SLC28A1: variants seen among roughly 807,000 people sequenced by gnomAD.
SLC28A1 encodes sodium/nucleoside cotransporter 1.
Under a neutral mutation model 74.8 loss-of-function variants are expected in SLC28A1, and 64 were observed. The observed-to-expected ratio is 0.86, with a 90% CI of 0.70 to 1.05. The LOEUF is 1.05. Ranked by LOEUF, SLC28A1 falls within the 50% of genes least tolerant of loss-of-function variation. The pLI is 0.00. For missense variants in SLC28A1, 828 were observed against 822.8 expected (o/e 1.01, Z -0.08); for synonymous variants, 359 against 335.0 (o/e 1.07, Z -0.78).
At chr15:84,893,421 C>T (rs1224576011) in intron 5 of SLC28A1, among the ~76,000 whole-genome samples, 1 of 152,222 alleles carries the variant, frequency 6.6e-6, no homozygotes, top group Non-Finnish European at 1.5e-5. Context: ...GTAGGAACTC[C>T]AGCCCACAAG....
At chr15:84,958,594 C>T in the SLC28A1 span, among the ~76,000 whole-genome samples, 4 of 151,952 alleles carry the variant, frequency 2.6e-5, no homozygotes, top group Admixed American at 6.6e-5. Flanking sequence ...CATTCTATTA[C>T]CCAGCCTGGA....
intron 12 of SLC28A1, among the ~76,000 whole-genome samples, chr15:84,932,601 G>A (rs1356481135): frequency 1.3e-5 from 2 of 152,202 alleles, no homozygotes; most frequent in East Asian, 3.9e-4. Flanking sequence ...GCCTAGAGAG[G>A]GAGTACCTTC....
At chr15:84,898,831 A>G (rs184968327) in intron 6 of SLC28A1, among the ~76,000 whole-genome samples, 3 of 152,290 alleles carry the variant, frequency 2.0e-5, no homozygotes, top group Non-Finnish European at 2.9e-5. Context: ...ACAGGGAAGG[A>G]AAACTGAGGT....
At chr15:84,975,271 T>G in the SLC28A1 span, among the ~76,000 whole-genome samples, 12 of 152,376 alleles carry the variant, frequency 7.9e-5, no homozygotes, top group African/African-American at 2.9e-4. Context: ...AAGAACTGTT[T>G]CGTCTTAATG....
At chr15:84,894,097 C>T (rs902645846) in intron 5 of SLC28A1, among the ~76,000 whole-genome samples, 1 of 152,136 alleles carries the variant, frequency 6.6e-6, no homozygotes, top group Non-Finnish European at 1.5e-5. Context: ...AGAGGCCGGG[C>T]GCGGTGGCTT....
At chr15:84,956,375 C>A in the SLC28A1 span, among the ~76,000 whole-genome samples, 1 of 151,958 alleles carries the variant, frequency 6.6e-6, no homozygotes, top group African/African-American at 2.4e-5. Context: ...ATTATCATTA[C>A]ATTTCCTATC....
chr15:84,915,657 G>A (rs1215518650), intron 9 of SLC28A1, among the ~76,000 whole-genome samples: 1 of 152,070 alleles, frequency 6.6e-6, no homozygotes, highest in African/African-American at 2.4e-5. Flanking sequence ...AAGTCCCAGG[G>A]GTCTGGCTCA....
chr15:84,905,682 C>T lies in SLC28A1; in HGVS notation c.717+30C>T. 3 of 1,467,544 alleles carry T rather than the reference C, an allele frequency of 2.0e-6. No individual in the cohort carries two copies. The South Asian group carries it at 3.4e-5, about 17-fold the overall frequency. 90.9% of individuals were successfully genotyped at this position (1,467,544 alleles called of 1,614,324 possible). On this transcript the variant is annotated intron_variant, in intron 8 of 18. Transcript: ENST00000394573. ...GTATGTGGGGTCTGGCTGCCCAGAG[C>T]ATCTTAGATTACTGGGAGTAGGGGA...
At chr15:84,885,419 C>T (rs12915107) in intron 1 of SLC28A1, among the ~76,000 whole-genome samples, 66,734 of 151,182 alleles carry the variant, frequency 0.44, 14,798 homozygotes, top group East Asian at 0.49. Flanking sequence ...CATAAAATAA[C>T]ATACATTTAG....
intron 9 of SLC28A1, among the ~76,000 whole-genome samples, chr15:84,910,020 G>A (rs1428111276): frequency 6.6e-6 from 1 of 152,202 alleles, no homozygotes; most frequent in Non-Finnish European, 1.5e-5. Context: ...AGACCCTCCT[G>A]CCTACCCCTG....
In SLC28A1 at chr15:84,886,719, AC is replaced by A; in HGVS notation, c.-82del. Reference sequence around the variant, plus strand: ...GCAAGCCAGAGCCAAAGCAGGTTGGACCCAGCTTGTCCCCACAGAGACGTGT... The same window carrying A: ...GCAAGCCAGAGCCAAAGCAGGTTGGACCAGCTTGTCCCCACAGAGACGTGT... On this transcript the variant is annotated 5_prime_UTR_variant, in exon 2 of 19. An upstream open reading frame in the 5' UTR loses its in-frame stop. Coordinates refer to ENST00000394573, the MANE Select transcript of SLC28A1 (RefSeq NM_004213.5). The A allele has an allele frequency of 1.0e-6, 1 of 985,488 alleles. No individual in the cohort carries two copies. The highest frequency in any genetic ancestry group is 1.2e-6 in the Non-Finnish European group (1 of 829,956). 61.0% of individuals were successfully genotyped at this position (985,488 alleles called of 1,614,324 possible).
intron 9 of SLC28A1, among the ~76,000 whole-genome samples, chr15:84,911,375 C>T (rs1362717118): frequency 1.3e-5 from 2 of 152,156 alleles, no homozygotes; most frequent in African/African-American, 4.8e-5. Flanking sequence ...ATGGTCCAGC[C>T]AAGCTCCAGA....
At chr15:84,906,291 A>G (rs1967098428) in intron 8 of SLC28A1, among the ~76,000 whole-genome samples, 1 of 151,754 alleles carries the variant, frequency 6.6e-6, no homozygotes, top group South Asian at 2.1e-4. Context: ...AAGTGCTGGG[A>G]TTACAGGTGT....
At chr15:84,936,081 A>G (rs1035763040) in intron 15 of SLC28A1, among the ~76,000 whole-genome samples, 7 of 148,900 alleles carry the variant, frequency 4.7e-5, no homozygotes, top group Admixed American at 1.4e-4. Context: ...CAGCCTCTCC[A>G]AGTAGCTGGG....
At chr15:84,970,400 G>A in the SLC28A1 span, among the ~76,000 whole-genome samples, 4 of 152,316 alleles carry the variant, frequency 2.6e-5, no homozygotes, top group East Asian at 3.9e-4. Context: ...ACCACAGTTG[G>A]TTGAAACCAA....
rs1446454431 is a variant in SLC28A1, at chr15:84,924,055, C to T, written c.1028C>T (p.Thr343Ile). ...CTCTCTGAAGTCCACGTTGTCATGA[C>T]CGGAGGTTACGCCACCATTGCTGGC... ...MTLSEVHVVM[T>I]GGYATIAGSL... The change falls in exon 12 of 19, where the codon ACC (threonine) becomes ATC (isoleucine). Residue 343 changes from threonine (T) to isoleucine (I), a missense_variant. Coordinates refer to ENST00000394573, the MANE Select transcript of SLC28A1 (RefSeq NM_004213.5). The T allele has an allele frequency of 5.0e-6, 8 of 1,613,904 alleles. No homozygotes were observed. The highest frequency in any genetic ancestry group is 1.1e-5 in the South Asian group (1 of 91,084).
the SLC28A1 span, among the ~76,000 whole-genome samples, chr15:84,959,029 G>A: frequency 2.0e-5 from 3 of 147,740 alleles, no homozygotes; most frequent in Non-Finnish European, 4.5e-5. Flanking sequence ...GAACCCAGGA[G>A]GTGGGGGTTG....
At chr15:84,932,216 T>C (rs539803255) in intron 12 of SLC28A1, among the ~76,000 whole-genome samples, 21 of 152,172 alleles carry the variant, frequency 1.4e-4, no homozygotes, top group Non-Finnish European at 2.8e-4. Context: ...TCATTTTCAA[T>C]GACAGCCTGA....
At chr15:84,938,647 C>T (rs1261997608) in intron 15 of SLC28A1, 2 of 151,842 alleles carry the variant, frequency 1.3e-5, no homozygotes, top group East Asian at 3.9e-4. Context: ...GCTCTGGTCT[C>T]ATGGAACCGA....
Sources: allele counts gnomAD v4.1 joint callset (sites outside exome capture counted in the v4.1 genomes callset), GRCh38; gene constraint gnomAD v4.1.1; transcripts MANE v1.5; gene names NCBI Gene and HGNC (gene_info 2026-07-23, HGNC 2026-07-21).